NPAS2: variants seen among roughly 807,000 people sequenced by gnomAD.
NPAS2 encodes neuronal PAS domain protein 2.
NPAS2 carries 23 observed loss-of-function variants against 107.5 expected under a neutral mutation model. The ratio of observed to expected loss-of-function variants is 0.21; its 90% CI spans 0.15 to 0.30. The LOEUF is 0.30. NPAS2 is among the 10% of genes least tolerant of loss of function. The pLI is 1.00. For missense variants in NPAS2, 756 were observed against 1,043.3 expected, an observed-to-expected ratio of 0.72 and a Z score of 3.79; for synonymous variants, 403 against 417.5, an observed-to-expected ratio of 0.97 and a Z score of 0.42.
chr2:100,955,095 C>G (rs1248660271), intron 7 of NPAS2, among the ~76,000 whole-genome samples: 1 of 152,110 alleles, frequency 6.6e-6, no homozygotes, highest in Non-Finnish European at 1.5e-5. Context: ...CCAGGGTGGT[C>G]TCAAACTCCT....
intron 16 of NPAS2, chr2:100,983,144 G>T (rs1422988733): frequency 6.6e-6 from 1 of 152,238 alleles, no homozygotes; most frequent in Admixed American, 6.5e-5. Context: ...CTTGGCGTCT[G>T]CCCTGGGAGC....
chr2:100,875,652 A>G lies in NPAS2; in HGVS notation c.-22-29081A>G, dbSNP rs1679917200. Among the ~76,000 whole-genome samples the G allele has an allele frequency of 2.6e-5, 4 of 152,138 alleles. No individual in the cohort carries two copies. The South Asian group carries it at 8.3e-4, about 31-fold the overall frequency. On this transcript the variant is annotated intron_variant, in intron 1 of 20. Transcript: ENST00000335681. ...GGCGCGGGCAGGGCTGCCTCCCCTT[A>G]GCTTTGTAGACCGAAGGTCGTTTAC... is the stretch of plus-strand genomic sequence containing the variant.
In NPAS2 at chr2:100,993,455, C is replaced by T; in HGVS notation, c.2220C>T (p.Ser740=). 6.2e-7 allele frequency: 1 copy of T among 1,612,638 alleles called. No individual in the cohort carries two copies. Among genetic ancestry groups the T allele is most frequent in the South Asian group, 1.1e-5 (1 of 90,964 alleles). The stretch of plus-strand genomic sequence containing the variant: ...TGGGGCAGGCGGTGCTCCACCCCAG[C>T]TTCCCTGCCTCCCAACCATCGCCCC... ...LLMGQAVLHP[S]FPASQPSPLQ... Residue 740 remains serine, a synonymous_variant, in exon 20 of 21, where the codon AGC becomes AGT. Coordinates refer to ENST00000335681, the MANE Select transcript of NPAS2 (RefSeq NM_002518.4).
chr2:100,944,472 G>C (rs888721071), intron 5 of NPAS2, among the ~76,000 whole-genome samples: 1 of 152,128 alleles, frequency 6.6e-6, no homozygotes, highest in Non-Finnish European at 1.5e-5. Context: ...CCCGATCGTG[G>C]GACTCGGCTG....
chr2:100,858,895 A>G (rs1678753504), intron 1 of NPAS2, among the ~76,000 whole-genome samples: 1 of 152,228 alleles, frequency 6.6e-6, no homozygotes, highest in South Asian at 2.1e-4. Context: ...CTGCTCAATA[A>G]GATATTTAGT....
chr2:100,837,015 C>T (rs953205903), intron 1 of NPAS2, among the ~76,000 whole-genome samples: 1 of 152,116 alleles, frequency 6.6e-6, no homozygotes, highest in Non-Finnish European at 1.5e-5. Flanking sequence ...TGGCCACACT[C>T]ACATTGCTAT....
chr2:100,829,448 T>G (rs1389045038), intron 1 of NPAS2, among the ~76,000 whole-genome samples: 2 of 152,228 alleles, frequency 1.3e-5, no homozygotes, highest in African/African-American at 4.8e-5. Context: ...GCTCTCAGTT[T>G]GGACGTTATT....
At chr2:100,900,834 G>C (rs574828198) in intron 1 of NPAS2, among the ~76,000 whole-genome samples, 37 of 152,162 alleles carry the variant, frequency 2.4e-4, no homozygotes, top group African/African-American at 8.4e-4. Context: ...TATGCCGATG[G>C]TGATTTTCTT....
rs79954432 is a variant in NPAS2, at chr2:100,907,866, C to A, written c.32+3080C>A. The stretch of plus-strand genomic sequence containing the variant: ...TGTGTTCAGAACTGAGTGCTCTATT[C>A]TTCAGGGAAGACGCAAAAATATAGT... On this transcript the variant is annotated intron_variant, in intron 2 of 20. Coordinates refer to ENST00000335681, the MANE Select transcript of NPAS2 (RefSeq NM_002518.4). Among the ~76,000 whole-genome samples the A allele has an allele frequency of 4.5e-4, 69 of 152,240 alleles. 1 individual carries two copies. In the East Asian group the frequency reaches 9.7e-3, roughly 21 times the overall value.
intron 1 of NPAS2, chr2:100,847,303 A>G (rs1458635906): frequency 6.6e-6 from 1 of 152,190 alleles, no homozygotes; most frequent in African/African-American, 2.4e-5. Flanking sequence ...ACTTAATGCC[A>G]CTGAACTGTC....
intron 2 of NPAS2, among the ~76,000 whole-genome samples, chr2:100,911,818 G>A (rs1280702808): frequency 6.6e-6 from 1 of 152,162 alleles, no homozygotes; most frequent in Non-Finnish European, 1.5e-5. Context: ...TTTTAGTGGA[G>A]ATGGGGTTTC....
In NPAS2 at chr2:100,938,299, AGTGGTG is replaced by A. The variant is rs1234107780; in HGVS notation, c.363+460_363+465del. On this transcript the variant is annotated intron_variant, in intron 5 of 20. Transcript: ENST00000335681. Reference sequence around the variant, plus strand: ...AGGTTGCAAGTGGGTAGCAACACTTAGTGGTGGTAAGGGTTTGGCAGCAGGGCCGGT... The same window carrying A: ...AGGTTGCAAGTGGGTAGCAACACTTAGTAAGGGTTTGGCAGCAGGGCCGGT... 7.2e-4 allele frequency among the ~76,000 whole-genome samples: 109 copies of A among 152,240 alleles called. 2 individuals carry two copies. In the East Asian group the frequency reaches 0.02, roughly 28 times the overall value.
intron 1 of NPAS2, among the ~76,000 whole-genome samples, chr2:100,842,081 G>GCGCGCGCGCGCGCGCACACA: frequency 6.7e-5 from 10 of 148,798 alleles, no homozygotes; most frequent in African/African-American, 2.2e-4. Context: ...GCATGTACGC[G>GCGCGCGCGCGCGCGCACACA]CACACACACA....
chr2:100,888,599 A>G (rs753141033), intron 1 of NPAS2, among the ~76,000 whole-genome samples: 3 of 152,142 alleles, frequency 2.0e-5, no homozygotes, highest in Non-Finnish European at 4.4e-5. Flanking sequence ...GCTGCCTGTG[A>G]ACATAGGATA....
intron 20 of NPAS2, chr2:100,994,305 T>C (rs1254063716): frequency 6.6e-6 from 1 of 152,298 alleles, no homozygotes; most frequent in Non-Finnish European, 1.5e-5. Flanking sequence ...TGAAGATAGC[T>C]GTCCTTGAAG....
At chr2:100,922,845 G>A (rs1683321699) in intron 2 of NPAS2, among the ~76,000 whole-genome samples, 2 of 152,132 alleles carry the variant, frequency 1.3e-5, no homozygotes, top group East Asian at 3.9e-4. Context: ...AACGATAGGA[G>A]CCTTCGTCGG....
chr2:100,951,091 G>A (rs1485513284), intron 7 of NPAS2, among the ~76,000 whole-genome samples: 1 of 152,160 alleles, frequency 6.6e-6, no homozygotes, highest in Admixed American at 6.5e-5. Flanking sequence ...TGGGAGGGTA[G>A]GACCCAGGAA....
intron 2 of NPAS2, among the ~76,000 whole-genome samples, chr2:100,909,569 C>CT (rs1558863294): frequency 6.6e-6 from 1 of 152,206 alleles, no homozygotes; most frequent in African/African-American, 2.4e-5. Context: ...GTGAGAACCC[C>CT]GGGCCCTCAG....
chr2:100,916,872 G>A (rs553722131), intron 2 of NPAS2, among the ~76,000 whole-genome samples: 19 of 152,032 alleles, frequency 1.2e-4, no homozygotes, highest in East Asian at 1.9e-4. Flanking sequence ...GAAAGATAGC[G>A]GGAAAAATAT....
Sources: allele counts gnomAD v4.1 joint callset (sites outside exome capture counted in the v4.1 genomes callset), GRCh38; gene constraint gnomAD v4.1.1; transcripts MANE v1.5; gene names NCBI Gene and HGNC (gene_info 2026-07-23, HGNC 2026-07-21).